Variants in LAMA1 observed in about 807,000 individuals in gnomAD.
LAMA1 encodes laminin subunit alpha-1.
In LAMA1, 219 loss-of-function variants were observed where a neutral mutation model predicts 348.7. The observed-to-expected ratio is 0.63, with a 90% CI of 0.56 to 0.70. LAMA1 has a LOEUF of 0.70. Ranked by LOEUF, LAMA1 falls within the 30% of genes least tolerant of loss-of-function variation. The pLI, the probability that LAMA1 is intolerant of heterozygous loss-of-function variation, is 0.00. For missense variants in LAMA1, 3,744 were observed against 3,888.0 expected, an observed-to-expected ratio of 0.96 and a Z score of 0.99; for synonymous variants, 1,487 against 1,491.0, an observed-to-expected ratio of 1.00 and a Z score of 0.06.
intron 16 of LAMA1, among the ~76,000 whole-genome samples, 176 bp downstream of exon 16, chr18:7,031,890 C>A (rs111962096): frequency 1.1e-3 from 150 of 138,154 alleles, no homozygotes; most frequent in Middle Eastern, 3.8e-3. Flanking sequence ...AAAAAAAAAA[C>A]AAAAAAAAAA....
chr18:6,956,137 CTAAATTATTAGAGTGCACACTT>C (rs1156679872), intron 56 of LAMA1: 3 of 323,078 alleles, frequency 9.3e-6, no homozygotes, highest in African/African-American at 6.6e-5. Flanking sequence ...CTGCCATCTT[CTAAATTATTAGAGTGCACACTT>C]TAAACCAGGG....
intron 48 of LAMA1, among the ~76,000 whole-genome samples, chr18:6,967,408 G>A (rs1346423439): frequency 1.3e-5 from 2 of 152,152 alleles, no homozygotes; most frequent in Non-Finnish European, 2.9e-5. Flanking sequence ...TGTGCCGGAG[G>A]ATAGAGACTC....
At chr18:6,972,483 G>A (rs1395727252) in intron 47 of LAMA1, among the ~76,000 whole-genome samples, 2 of 152,204 alleles carry the variant, frequency 1.3e-5, no homozygotes, top group African/African-American at 2.4e-5. Context: ...TTAACGTGGA[G>A]CACTGAATTT....
chr18:6,965,580 C>A, intron 49 of LAMA1, 148 bp from the exon 50 acceptor site: 1 of 791,966 alleles, frequency 1.3e-6, no homozygotes. Flanking sequence ...GCTACGAAAC[C>A]AAAAATGCCC....
At chr18:7,057,790 CTTTCTTTCT>C (rs939153389) in intron 3 of LAMA1, among the ~76,000 whole-genome samples, 9 of 139,432 alleles carry the variant, frequency 6.5e-5, no homozygotes, top group African/African-American at 2.1e-4. Context: ...AAAATTCTTT[CTTTCTTTCT>C]TTTTTTTTTT....
chr18:6,979,774 C>G (rs1421867139), intron 42 of LAMA1, among the ~76,000 whole-genome samples: 2 of 151,902 alleles, frequency 1.3e-5, no homozygotes, highest in African/African-American at 4.8e-5. Context: ...TGGCGGGCGC[C>G]TGTAGTCCCA....
At chr18:6,989,777 C>G (rs1257426295) in intron 36 of LAMA1, among the ~76,000 whole-genome samples, 1 of 152,198 alleles carries the variant, frequency 6.6e-6, no homozygotes, top group African/African-American at 2.4e-5. Flanking sequence ...AGGAACCACG[C>G]ACTCTGGAGG....
intron 44 of LAMA1, among the ~76,000 whole-genome samples, chr18:6,976,873 T>C (rs936879535): frequency 2.7e-4 from 41 of 152,122 alleles, no homozygotes; most frequent in Non-Finnish European, 7.4e-5. Context: ...ACCTCCCAAA[T>C]TGTGGGAGTT....
chr18:6,989,429 T>C (rs1475178149), intron 36 of LAMA1, among the ~76,000 whole-genome samples: 1 of 152,190 alleles, frequency 6.6e-6, no homozygotes, highest in African/African-American at 2.4e-5. Flanking sequence ...GCTAAACTTC[T>C]CATCTATACA....
At chr18:6,988,625 C>T (rs1420748149) in intron 36 of LAMA1, among the ~76,000 whole-genome samples, 1 of 152,008 alleles carries the variant, frequency 6.6e-6, no homozygotes, top group African/African-American at 2.4e-5. Flanking sequence ...CATGGTGAAA[C>T]CCTGTCTCTA....
At position 6,961,141 on chromosome 18, in the gene LAMA1, G is replaced by A. The variant is rs565496058; in HGVS notation, c.7626+445C>T. On this transcript the variant is annotated intron_variant, in intron 53 of 62. Transcript: ENST00000389658. Reference sequence around the variant, plus strand: ...TCTCCTTTCCCCCTGTTAGTTTACTGTGCTTATCACAGCCCACATTTCCCT... The same window carrying A: ...TCTCCTTTCCCCCTGTTAGTTTACTATGCTTATCACAGCCCACATTTCCCT... Among the ~76,000 whole-genome samples the A allele has an allele frequency of 3.9e-5, 6 of 152,272 alleles. 1 individual carries two copies. The highest frequency in any genetic ancestry group is 1.2e-4 in the African/African-American group (5 of 41,546).
intron 29 of LAMA1, among the ~76,000 whole-genome samples, chr18:7,003,434 A>C (rs1161610839): frequency 6.6e-6 from 1 of 151,754 alleles, no homozygotes; most frequent in African/African-American, 2.4e-5. Context: ...TTTTATTTTT[A>C]TTTTTAGTAG....
intron 48 of LAMA1, 93 bp from the exon 49 acceptor site, chr18:6,966,390 T>G: frequency 9.6e-7 from 1 of 1,044,344 alleles, no homozygotes; most frequent in African/African-American, 1.6e-5. Flanking sequence ...CAAAGATCAC[T>G]GTAGAGCTAT....
intron 1 of LAMA1, among the ~76,000 whole-genome samples, chr18:7,113,177 C>A (rs577186650): frequency 2.0e-5 from 3 of 152,296 alleles, no homozygotes; most frequent in African/African-American, 7.2e-5. Flanking sequence ...GGAAGGTTGT[C>A]TAACAAATAC....
intron 3 of LAMA1, among the ~76,000 whole-genome samples, chr18:7,052,443 A>G (rs2058065757): frequency 6.8e-6 from 1 of 147,366 alleles, no homozygotes; most frequent in Non-Finnish European, 1.5e-5. Context: ...AAAAAAAAAA[A>G]TGGCTGGGCA....
chr18:7,038,698 A>AT, intron 11 of LAMA1, 112 bp downstream of exon 11: 1 of 1,404,944 alleles, frequency 7.1e-7, no homozygotes, highest in Non-Finnish European at 1.0e-6. Flanking sequence ...TTGCATAGCG[A>AT]TGAGAGTGGT....
At chr18:6,952,212 A>C (rs1366160493) in intron 57 of LAMA1, among the ~76,000 whole-genome samples, 2 of 152,112 alleles carry the variant, frequency 1.3e-5, no homozygotes, top group East Asian at 3.9e-4. Flanking sequence ...GCCGAGAGAG[A>C]GCAGGGAACT....
At chr18:7,115,461 G>A (rs1345370871) in intron 1 of LAMA1, among the ~76,000 whole-genome samples, 3 of 152,088 alleles carry the variant, frequency 2.0e-5, no homozygotes, top group African/African-American at 7.2e-5. Context: ...GAGCCATCAG[G>A]TCATATACTA....
At chr18:7,035,338 C>CA (rs111319435) in intron 13 of LAMA1, among the ~76,000 whole-genome samples, 1,782 of 152,234 alleles carry the variant, frequency 0.012, 33 homozygotes, top group African/African-American at 0.039. Context: ...CTAATCCATT[C>CA]ATCTGAGAGG....
Sources: allele counts gnomAD v4.1 joint callset (sites outside exome capture counted in the v4.1 genomes callset), GRCh38; gene constraint gnomAD v4.1.1; transcripts MANE v1.5; gene names NCBI Gene and HGNC (gene_info 2026-07-23, HGNC 2026-07-21).